RER1: variants seen among roughly 807,000 people sequenced by gnomAD.
RER1 encodes retention in endoplasmic reticulum sorting receptor 1.
RER1 carries 6 observed loss-of-function variants against 28.3 expected under a neutral mutation model. That is an observed-to-expected ratio of 0.21 (90% CI 0.12 to 0.42). RER1 has a LOEUF of 0.42. Among genes scored for constraint, RER1 ranks in the 10% least tolerant of loss-of-function variants. The pLI, the probability that RER1 is intolerant of heterozygous loss-of-function variation, is 1.00. For synonymous variants in RER1, 110 were observed against 95.9 expected (o/e 1.15, Z -0.86); for missense variants, 159 against 252.9 (o/e 0.63, Z 2.52).
intron 4 of RER1, 70 bp downstream of exon 4, chr1:2,399,584 T>G (rs1642815942): frequency 1.1e-6 from 1 of 944,940 alleles, no homozygotes; most frequent in South Asian, 1.3e-5. Context: ...GATTGCCCAG[T>G]GTTCTCTGGA....
Position 2,396,656 on chromosome 1 carries a change from G to C in RER1, c.82-460G>C, listed in dbSNP as rs531868311. On this transcript the variant is annotated intron_variant, in intron 2 of 6. Coordinates refer to ENST00000605895, the MANE Select transcript of RER1 (RefSeq NM_007033.5). Reference sequence around the variant, plus strand: ...AGCCGCCTGGACGCACACACATGTGGGTGTGGCTGCTGGGGCTCAGGCTGT... The same window carrying C: ...AGCCGCCTGGACGCACACACATGTGCGTGTGGCTGCTGGGGCTCAGGCTGT... Among the ~76,000 whole-genome samples the C allele has an allele frequency of 5.6e-4, 86 of 152,358 alleles. 3 individuals are homozygous for C. In the South Asian group the frequency reaches 0.018, roughly 31 times the overall value.
chr1:2,401,252 T>TTCCCCTCCCTCCTTCCTCCCTCCTCC (rs1642847222), intron 5 of RER1, among the ~76,000 whole-genome samples: 1 of 62,236 alleles, frequency 1.6e-5, no homozygotes, highest in Non-Finnish European at 3.2e-5. Flanking sequence ...TCCTCCCTCC[T>TTCCCCTCCCTCCTTCCTCCCTCCTCC]TCCTCCCTCC....
chr1:2,401,902 G>T lies in RER1; in HGVS notation c.366-305G>T, dbSNP rs142352171. 286 of 868,140 alleles carry T rather than the reference G, an allele frequency of 3.3e-4. 4 individuals carry two copies. The East Asian group carries it at 7.5e-3, about 23-fold the overall frequency. The allele number at this position is 868,140 out of a possible 1,614,324, so 53.8% of individuals were successfully genotyped here. On this transcript the variant is annotated intron_variant, in intron 5 of 6. Transcript: ENST00000605895. The stretch of plus-strand genomic sequence containing the variant: ...CACAGCCTGGGTTTCTCTCCAGATC[G>T]CAGGCCCAGCCAGCAGGCATGGGGC...
intron 3 of RER1, among the ~76,000 whole-genome samples, chr1:2,397,614 G>A (rs370486509): frequency 5.3e-5 from 8 of 151,760 alleles, no homozygotes; most frequent in Non-Finnish European, 7.4e-5. Context: ...ATGACTCGGC[G>A]TCCAAAGGGT....
rs1483110160 is a variant in RER1, at chr1:2,405,148, G to C, written c.*2024G>C. 2 of 174,892 alleles carry C rather than the reference G, an allele frequency of 1.1e-5. No individual in the cohort carries two copies. Among genetic ancestry groups the C allele is most frequent in the East Asian group, 1.5e-4 (1 of 6,566 alleles). The allele number at this position is 174,892 out of a possible 1,614,324, so 10.8% of individuals were successfully genotyped here. Reference sequence around the variant, plus strand: ...GAAGCGACCTTGACGTGTATTGAAGGTGTGTGTGCCAAATGCTTCCGACGG... The same window carrying C: ...GAAGCGACCTTGACGTGTATTGAAGCTGTGTGTGCCAAATGCTTCCGACGG... On this transcript the variant is annotated 3_prime_UTR_variant, in exon 7 of 7. Transcript: ENST00000605895.
intron 1 of RER1, among the ~76,000 whole-genome samples, chr1:2,392,486 A>G (rs1642695270): frequency 6.6e-6 from 1 of 152,202 alleles, no homozygotes; most frequent in Non-Finnish European, 1.5e-5. Flanking sequence ...ATAGGCAATA[A>G]AATCATAAAT....
chr1:2,395,197 G>A (rs1642750778), intron 1 of RER1: 1 of 155,198 alleles, frequency 6.4e-6, no homozygotes, highest in African/African-American at 2.4e-5. Context: ...GTTGAAATAG[G>A]AGCAGATACG....
At chr1:2,401,223 T>TTCC (rs1642843922) in intron 5 of RER1, among the ~76,000 whole-genome samples, 1 of 66,554 alleles carries the variant, frequency 1.5e-5, no homozygotes, top group Non-Finnish European at 3.6e-5. Flanking sequence ...TCCTCCCTCC[T>TTCC]CCTCCCTTCC....
chr1:2,392,890 C>T (rs930541859), intron 1 of RER1, among the ~76,000 whole-genome samples: 9 of 152,118 alleles, frequency 5.9e-5, no homozygotes, highest in Non-Finnish European at 1.0e-4. Context: ...GAGGAAGAGA[C>T]GGGGTCTGGG....
Position 2,404,706 on chromosome 1 carries a change from T to C in RER1, c.*1582T>C, listed in dbSNP as rs1335751533. On this transcript the variant is annotated 3_prime_UTR_variant, in exon 7 of 7. Coordinates refer to ENST00000605895, the MANE Select transcript of RER1 (RefSeq NM_007033.5). ...GCGGGTCTTTGCCGGAAGCCGGTCC[T>C]GCTGGCCAGGTGTTTTACGTCAGCA... 6.6e-6 allele frequency: 1 copy of C among 152,286 alleles called. No individual in the cohort carries two copies. Among genetic ancestry groups the C allele is most frequent in the Non-Finnish European group, 1.5e-5 (1 of 68,052 alleles). 9.4% of individuals were successfully genotyped at this position (152,286 alleles called of 1,614,324 possible).
At chr1:2,401,361 TCCTCCC>T (rs1642855632) in intron 5 of RER1, among the ~76,000 whole-genome samples, 1 of 3,296 alleles carries the variant, frequency 3.0e-4, no homozygotes, top group African/African-American at 8.1e-4. Flanking sequence ...TCCTCCCTCC[TCCTCCC>T]TCCTTCCTCC....
At position 2,395,664 on chromosome 1, in the gene RER1, G is replaced by T. The variant is rs1557901257; in HGVS notation, c.-7-120G>T. 6.8e-6 allele frequency: 5 copies of T among 739,758 alleles called. No individual in the cohort carries two copies. The East Asian group carries it at 1.3e-4, about 20-fold the overall frequency. The allele number at this position is 739,758 out of a possible 1,614,324, so 45.8% of individuals were successfully genotyped here. ...ACAATTCATGGTAAAAACACAAATGGTATATGGACAAAATACTGAATGTGG... is the reference window on the plus strand; with the variant it reads ...ACAATTCATGGTAAAAACACAAATGTTATATGGACAAAATACTGAATGTGG... On this transcript the variant is annotated intron_variant, in intron 1 of 6. Transcript: ENST00000605895.
chr1:2,403,370 G>C lies in RER1; in HGVS notation c.*246G>C. On this transcript the variant is annotated 3_prime_UTR_variant, in exon 7 of 7. Coordinates refer to ENST00000605895, the MANE Select transcript of RER1 (RefSeq NM_007033.5). ...ACGGATGGAATTCTAGTCAGCTGCA[G>C]GCGGGAAGCCAGGCGGGTGGAGCCC... 2.3e-6 allele frequency: 1 copy of C among 436,050 alleles called. No homozygotes were observed. The highest frequency in any genetic ancestry group is 4.3e-6 in the Non-Finnish European group (1 of 234,410). The allele number at this position is 436,050 out of a possible 1,614,324, so 27.0% of individuals were successfully genotyped here.
At chr1:2,400,829 C>T in intron 4 of RER1, 28 bp from the exon 5 acceptor site, 1 of 1,587,244 alleles carries the variant, frequency 6.3e-7, no homozygotes, top group East Asian at 2.2e-5. Flanking sequence ...AAAGAGGTGC[C>T]CTCCCTGATG....
At chr1:2,398,919 T>C (rs1451915698) in intron 3 of RER1, among the ~76,000 whole-genome samples, 3 of 152,224 alleles carry the variant, frequency 2.0e-5, no homozygotes, top group African/African-American at 7.2e-5. Context: ...CAGAGTGTTT[T>C]TGGCAATGTG....
In RER1 at chr1:2,405,225, G is replaced by C. The variant is rs1394409962; in HGVS notation, c.*2101G>C. ...CTGCCCCGTGTGGTCATCAAGTCCT[G>C]GGGGATGTGCTCTGCCCAGCCGCCC... is the stretch of plus-strand genomic sequence containing the variant. On this transcript the variant is annotated 3_prime_UTR_variant, in exon 7 of 7. Transcript: ENST00000605895. 4.3e-6 allele frequency: 1 copy of C among 233,884 alleles called. No homozygotes were observed. Among genetic ancestry groups the C allele is most frequent in the East Asian group, 1.1e-4 (1 of 8,730 alleles). 14.5% of individuals were successfully genotyped at this position (233,884 alleles called of 1,614,324 possible).
At chr1:2,398,781 G>A (rs1642804558) in intron 3 of RER1, among the ~76,000 whole-genome samples, 1 of 152,260 alleles carries the variant, frequency 6.6e-6, no homozygotes, top group African/African-American at 2.4e-5. Context: ...GCAAATAAGT[G>A]TGCTGCACTC....
In RER1 at chr1:2,400,977, A is replaced by G. The variant is rs945777478; in HGVS notation, c.365+42A>G. ...CGGTATTTGAAGAGAATTGTGCTCA[A>G]GGGTGGCTGAGACTGAGACTACACT... is the stretch of plus-strand genomic sequence containing the variant. On this transcript the variant is annotated intron_variant, in intron 5 of 6. Transcript: ENST00000605895. 4 of 1,520,812 alleles carry G rather than the reference A, an allele frequency of 2.6e-6. No individual in the cohort carries two copies. In the African/African-American group the frequency reaches 5.5e-5, roughly 21 times the overall value. The allele number at this position is 1,520,812 out of a possible 1,614,324, so 94.2% of individuals were successfully genotyped here. A position where few individuals can be genotyped will look rare whatever the true frequency, so the allele number is the denominator to read the frequency against.
intron 5 of RER1, among the ~76,000 whole-genome samples, chr1:2,401,399 T>C (rs1194427313): frequency 4.4e-5 from 3 of 68,210 alleles, no homozygotes; most frequent in African/African-American, 1.2e-4. Flanking sequence ...TCCTCCTCCC[T>C]CCTCCTCCCT....
Sources: gnomAD v4.1 joint callset for allele counts (sites outside exome capture counted in the v4.1 genomes callset) on GRCh38, gnomAD v4.1.1 for gene constraint, MANE v1.5 for transcripts, NCBI Gene and HGNC (gene_info 2026-07-23, HGNC 2026-07-21) for gene names.